Variants in DNAI4 observed in about 807,000 individuals in gnomAD.
DNAI4 encodes the protein WD repeat domain 78.
In DNAI4, 85 loss-of-function variants were observed where a neutral mutation model predicts 105.8. The observed-to-expected ratio is 0.80, with a 90% confidence interval of 0.67 to 0.96. DNAI4 has a LOEUF of 0.96. Among genes scored for constraint, DNAI4 ranks in the 40% least tolerant of loss-of-function variants. The probability of loss-of-function intolerance (pLI) is 0.00; values close to 1 mark genes in which losing one functional copy is unlikely to be tolerated. For missense variants in DNAI4, 1,014 were observed against 1,005.6 expected (o/e 1.01, Z -0.11); for synonymous variants, 352 against 331.5 (o/e 1.06, Z -0.67).
chr1:66,866,238 C>T (rs572518543), intron 6 of DNAI4, among the ~76,000 whole-genome samples: 120 of 150,756 alleles, frequency 8.0e-4, no homozygotes, highest in African/African-American at 2.6e-3. Context: ...ATCCAGGAGG[C>T]GATGGTTGCA....
intron 9 of DNAI4, 138 bp from the exon 10 acceptor site, chr1:66,837,934 A>C (rs1461186379): frequency 2.4e-6 from 2 of 821,932 alleles, no homozygotes; most frequent in Non-Finnish European, 3.7e-6. Flanking sequence ...ATGCCAGTAC[A>C]CCATCTGTTT....
At chr1:66,922,817 A>G (rs1650596077) in intron 1 of DNAI4, among the ~76,000 whole-genome samples, 1 of 152,238 alleles carries the variant, frequency 6.6e-6, no homozygotes, top group Admixed American at 6.5e-5. Context: ...AATATTATAT[A>G]TTTGGTTTGA....
At chr1:66,825,423 C>T (rs1390076054) in intron 15 of DNAI4, among the ~76,000 whole-genome samples, 17 of 151,874 alleles carry the variant, frequency 1.1e-4, no homozygotes, top group Non-Finnish European at 2.9e-5. Flanking sequence ...CCTCATGATC[C>T]ACCCGCCTCG....
intron 16 of DNAI4, among the ~76,000 whole-genome samples, chr1:66,816,782 C>A (rs1572575897): frequency 1.4e-5 from 2 of 145,136 alleles, no homozygotes; most frequent in Admixed American, 7.0e-5. Context: ...CACAGGTTTG[C>A]CAAAAATGTT....
chr1:66,907,282 C>T (rs1245291450), intron 1 of DNAI4, among the ~76,000 whole-genome samples: 3 of 152,150 alleles, frequency 2.0e-5, no homozygotes, highest in Non-Finnish European at 2.9e-5. Flanking sequence ...CTTCAACCTC[C>T]TTGAGACCTC....
intron 13 of DNAI4, among the ~76,000 whole-genome samples, chr1:66,831,993 T>C (rs1470416648): frequency 6.6e-6 from 1 of 152,100 alleles, no homozygotes; most frequent in Non-Finnish European, 1.5e-5. Flanking sequence ...TGCCTGTACA[T>C]TGAAGGATAT....
At chr1:66,908,700 A>C (rs1649436489) in intron 1 of DNAI4, among the ~76,000 whole-genome samples, 1 of 152,216 alleles carries the variant, frequency 6.6e-6, no homozygotes, top group African/African-American at 2.4e-5. Context: ...TGGAAGAAAA[A>C]TACCCAACTA....
Position 66,891,188 on chromosome 1 carries a change from TGGTTCTTCCA to T in DNAI4, c.599_608del (p.Leu200HisfsTer8). 1.2e-6 allele frequency: 2 copies of T among 1,613,914 alleles called. No homozygotes were observed. The highest frequency in any genetic ancestry group is 1.7e-6 in the Non-Finnish European group (2 of 1,179,884). Reference sequence around the variant, plus strand: ...TAGTCAATCTTTCCCGTTTATAGGATGGTTCTTCCAGGTCTTCTGCTATTGATTCACTTGC... The same window carrying T: ...TAGTCAATCTTTCCCGTTTATAGGATGGTCTTCTGCTATTGATTCACTTGC... On this transcript the variant is annotated frameshift_variant, in exon 4 of 17. Coordinates refer to ENST00000371026, the MANE Select transcript of DNAI4 (RefSeq NM_024763.5). LOFTEE classifies it high-confidence loss of function.
In DNAI4 at chr1:66,924,677, T is replaced by G; in HGVS notation, c.155A>C (p.Gln52Pro). 6.2e-7 allele frequency: 1 copy of G among 1,614,236 alleles called. No homozygotes were observed. The highest frequency in any genetic ancestry group is 8.5e-7 in the Non-Finnish European group (1 of 1,180,052). The change falls in exon 1 of 17, where the codon CAG (glutamine) becomes CCG (proline). Residue 52 changes from glutamine to proline, a missense_variant. Physicochemically the swap from Gln to Pro is moderately conservative, Grantham distance 76. Coordinates refer to ENST00000371026, the MANE Select transcript of DNAI4 (RefSeq NM_024763.5). ...CGGAACTTACAACCCGAAGTTCTGC[T>G]GCTTGTGACTGCCTGCCGGAGAGAC... The part of the protein sequence containing the change: ...MPVSPAGSHK[Q>P]QNFGLNNATQ...
At chr1:66,839,150 G>A (rs113791747) in intron 9 of DNAI4, among the ~76,000 whole-genome samples, 15 of 152,076 alleles carry the variant, frequency 9.9e-5, no homozygotes, top group African/African-American at 3.6e-4. Context: ...CCTATTTACA[G>A]GACAGGAATG....
chr1:66,872,628 T>C (rs1224147444), intron 5 of DNAI4, among the ~76,000 whole-genome samples: 4 of 152,216 alleles, frequency 2.6e-5, no homozygotes, highest in African/African-American at 9.6e-5. Flanking sequence ...GTTTAATTGT[T>C]CCTCTGTAGG....
rs190797812 is a variant in DNAI4 at position 66,894,304 on chromosome 1, T to C, written c.346-891A>G. On this transcript the variant is annotated intron_variant, in intron 2 of 16. Coordinates refer to ENST00000371026, the MANE Select transcript of DNAI4 (RefSeq NM_024763.5). ...TATTGATACAGTTGAACTCTTTTTA[T>C]ATATTTATTCCTATTTTGATTTCCG... Among the ~76,000 whole-genome samples, 433 of 152,262 alleles carry C rather than the reference T, an allele frequency of 2.8e-3. 4 individuals carry two copies. Among genetic ancestry groups the C allele is most frequent in the African/African-American group, 9.6e-3 (400 of 41,570 alleles).
intron 1 of DNAI4, among the ~76,000 whole-genome samples, chr1:66,907,919 T>C (rs1045606240): frequency 1.3e-5 from 2 of 152,190 alleles, no homozygotes; most frequent in Admixed American, 6.5e-5. Flanking sequence ...TTCGACCCTA[T>C]TATGACCTTC....
chr1:66,841,738 T>A (rs552621098), intron 8 of DNAI4, among the ~76,000 whole-genome samples: 58 of 152,210 alleles, frequency 3.8e-4, no homozygotes, highest in Admixed American at 2.0e-3. Context: ...GGTATCAACA[T>A]CCCTCCATAT....
At chr1:66,842,979 C>A (rs1393099732) in intron 8 of DNAI4, among the ~76,000 whole-genome samples, 1 of 151,968 alleles carries the variant, frequency 6.6e-6, no homozygotes, top group Admixed American at 6.6e-5. Context: ...GGGAGGGTAG[C>A]TTGAGTTCAG....
intron 4 of DNAI4, among the ~76,000 whole-genome samples, chr1:66,887,874 G>A (rs1462218047): frequency 6.6e-6 from 1 of 151,958 alleles, no homozygotes; most frequent in Non-Finnish European, 1.5e-5. Flanking sequence ...CAGGAGAATG[G>A]CCTGAACCCA....
chr1:66,836,253 AG>A (rs1646007479), intron 10 of DNAI4, among the ~76,000 whole-genome samples: 4 of 124,226 alleles, frequency 3.2e-5, no homozygotes, highest in African/African-American at 8.9e-5. Flanking sequence ...AAAGAGAGAG[AG>A]AGAAAGAAAG....
chr1:66,833,107 T>C (rs1645902346), intron 13 of DNAI4, among the ~76,000 whole-genome samples: 1 of 152,112 alleles, frequency 6.6e-6, no homozygotes, highest in South Asian at 2.1e-4. Context: ...CTCTCATCTA[T>C]CTATCTGCAA....
chr1:66,865,703 A>G (rs570869814), intron 6 of DNAI4, among the ~76,000 whole-genome samples: 2 of 152,272 alleles, frequency 1.3e-5, no homozygotes, highest in Non-Finnish European at 2.9e-5. Flanking sequence ...AACAGCCCAG[A>G]TTGCATGTTT....
Sources: allele counts gnomAD v4.1 joint callset (sites outside exome capture counted in the v4.1 genomes callset), GRCh38; gene constraint gnomAD v4.1.1; transcripts MANE v1.5; gene names NCBI Gene and HGNC (gene_info 2026-07-23, HGNC 2026-07-21).